The following CMIP variants were observed in gnomAD, a reference collection of about 807,000 sequenced individuals.
The protein encoded by CMIP is c-Maf inducing protein, also known as C-Maf-inducing protein.
Under a neutral mutation model 97.3 loss-of-function variants are expected in CMIP, and 13 were observed. The ratio of observed to expected loss-of-function variants is 0.13; its 90% CI spans 0.09 to 0.21. The LOEUF is 0.21. CMIP is among the 10% of genes least tolerant of loss of function. The pLI is 1.00. For synonymous variants in CMIP, 538 were observed against 436.3 expected, an observed-to-expected ratio of 1.23 and a Z score of -2.91; for missense variants, 847 against 1,024.9, an observed-to-expected ratio of 0.83 and a Z score of 2.37.
chr16:81,644,817 C>T (rs911246558), intron 3 of CMIP, among the ~76,000 whole-genome samples: 1 of 152,168 alleles, frequency 6.6e-6, no homozygotes, highest in Non-Finnish European at 1.5e-5. Context: ...AAGGCAGGGT[C>T]CCAGTGAGAT....
At chr16:81,641,397 C>T (rs911777390) in intron 3 of CMIP, among the ~76,000 whole-genome samples, 24 of 152,004 alleles carry the variant, frequency 1.6e-4, no homozygotes, top group Admixed American at 1.5e-3. Context: ...CCTAGCTCAG[C>T]GAGGAAAACA....
At chr16:81,475,749 G>A (rs1202835287) in intron 1 of CMIP, among the ~76,000 whole-genome samples, 1 of 152,152 alleles carries the variant, frequency 6.6e-6, no homozygotes, top group African/African-American at 2.4e-5. Flanking sequence ...ACTTTGGGAG[G>A]TTGAGGCAGG....
At chr16:81,488,449 T>A (rs943564734) in intron 1 of CMIP, among the ~76,000 whole-genome samples, 1 of 152,188 alleles carries the variant, frequency 6.6e-6, no homozygotes, top group Non-Finnish European at 1.5e-5. Context: ...CTGGGCCCGA[T>A]GCACGGAGGG....
intron 1 of CMIP, among the ~76,000 whole-genome samples, chr16:81,505,919 C>G (rs908434685): frequency 6.6e-6 from 1 of 152,176 alleles, no homozygotes; most frequent in Non-Finnish European, 1.5e-5. Flanking sequence ...CACTTGAACC[C>G]GGGAGGTGGA....
At chr16:81,557,259 G>A (rs2090781576) in intron 1 of CMIP, among the ~76,000 whole-genome samples, 1 of 152,348 alleles carries the variant, frequency 6.6e-6, no homozygotes, top group Admixed American at 6.5e-5. Flanking sequence ...CCAAGGCCAT[G>A]TCAATGCCAA....
intron 1 of CMIP, among the ~76,000 whole-genome samples, chr16:81,469,527 A>G (rs957503658): frequency 1.3e-5 from 2 of 152,152 alleles, no homozygotes; most frequent in African/African-American, 2.4e-5. Flanking sequence ...TACCACTGTC[A>G]TTGCTACTGT....
chr16:81,610,507 C>T lies in CMIP; in HGVS notation c.426+2815C>T, dbSNP rs551946424. ...CGAGCTAATGAGGGAGCAGCAGACA[C>T]GGCCTCCCAACCCTTCCCCCAAGGG... On this transcript the variant is annotated intron_variant, in intron 2 of 20. Coordinates refer to ENST00000537098, the MANE Select transcript of CMIP (RefSeq NM_198390.3). 106 of 985,588 alleles carry T rather than the reference C, an allele frequency of 1.1e-4. 1 individual carries two copies. In the South Asian group the frequency reaches 2.1e-3, roughly 20 times the overall value. 61.1% of individuals were successfully genotyped at this position (985,588 alleles called of 1,614,324 possible).
chr16:81,652,970 C>A lies in CMIP; in HGVS notation c.639+606C>A, dbSNP rs115738188. 6.6e-6 allele frequency among the ~76,000 whole-genome samples: 1 copy of A among 152,156 alleles called. No homozygotes were observed. Among genetic ancestry groups the A allele is most frequent in the South Asian group, 2.1e-4 (1 of 4,816 alleles). ...CAAGCAAAGACAAGCCCCCTACCCC[C>A]CTGGAGCTTGTGTCCCGGCAGGGGA... On this transcript the variant is annotated intron_variant, in intron 4 of 20. Transcript: ENST00000537098. The surrounding 1 kb of genome is among the most constrained non-coding windows in gnomAD (Gnocchi z 5.2).
Position 81,711,308 on chromosome 16 carries a change from A to G in CMIP, c.*1509A>G, listed in dbSNP as rs1908746343. The G allele has an allele frequency of 6.6e-6, 1 of 151,980 alleles. No individual in the cohort carries two copies. Among genetic ancestry groups the G allele is most frequent in the Non-Finnish European group, 1.5e-5 (1 of 67,934 alleles). The allele number at this position is 151,980 out of a possible 1,614,324, so 9.4% of individuals were successfully genotyped here. A position where few individuals can be genotyped will look rare whatever the true frequency, so the allele number is the denominator to read the frequency against. On this transcript the variant is annotated 3_prime_UTR_variant, in exon 21 of 21. Coordinates refer to ENST00000537098, the MANE Select transcript of CMIP (RefSeq NM_198390.3). ...TATTTAATCTTATTCAATGGAAACCATGCTTTTGTCGTTTTATACTTTGCT... is the reference window on the plus strand; with the variant it reads ...TATTTAATCTTATTCAATGGAAACCGTGCTTTTGTCGTTTTATACTTTGCT...
At position 81,620,902 on chromosome 16, in the gene CMIP, G is replaced by A. The variant is rs773902874; in HGVS notation, c.453G>A (p.Gln151=). 2.5e-6 allele frequency: 4 copies of A among 1,614,028 alleles called. No individual in the cohort carries two copies. Among genetic ancestry groups the A allele is most frequent in the South Asian group, 1.1e-5 (1 of 91,086 alleles). The change falls in exon 3 of 21, where the codon CAG becomes CAA. Residue 151 remains glutamine, a synonymous_variant. Coordinates refer to ENST00000537098, the MANE Select transcript of CMIP (RefSeq NM_198390.3). The stretch of plus-strand genomic sequence containing the variant: ...CTGCCAATAGCTACCTGCGAGACCA[G>A]TGGTTCCATTCTCTGCAATGGAAGG... ...LQAANSYLRD[Q]WFHSLQWKKK...
intron 11 of CMIP, among the ~76,000 whole-genome samples, chr16:81,692,372 C>T (rs1055616307): frequency 9.2e-5 from 14 of 152,164 alleles, no homozygotes; most frequent in Non-Finnish European, 1.5e-4. Flanking sequence ...CGGCCCCTAG[C>T]ACCATATTGA....
chr16:81,559,067 G>C (rs565659215), intron 1 of CMIP, among the ~76,000 whole-genome samples: 1 of 152,194 alleles, frequency 6.6e-6, no homozygotes, highest in Non-Finnish European at 1.5e-5. Flanking sequence ...CCCTCCTGCC[G>C]CCCAGAGCCA....
rs1907932258 is a variant in CMIP, at chr16:81,476,512, T to C, written c.300+30971T>C. The stretch of plus-strand genomic sequence containing the variant: ...AGCGATGTCAGAGAACACAGTGGGG[T>C]TGACCATGGCTGATAGAACAGGTTT... On this transcript the variant is annotated intron_variant, in intron 1 of 20. Transcript: ENST00000537098. 4 of 687,164 alleles carry C rather than the reference T, an allele frequency of 5.8e-6. No individual in the cohort carries two copies. In the Admixed American group the frequency reaches 7.3e-5, roughly 12 times the overall value. 42.6% of individuals were successfully genotyped at this position (687,164 alleles called of 1,614,324 possible). A position where few individuals can be genotyped will look rare whatever the true frequency, so the allele number is the denominator to read the frequency against.
At chr16:81,593,318 T>C (rs1032288293) in intron 1 of CMIP, among the ~76,000 whole-genome samples, 2 of 151,038 alleles carry the variant, frequency 1.3e-5, no homozygotes, top group African/African-American at 4.9e-5. Flanking sequence ...CCAAGGAGAG[T>C]TGGGTATTGT....
intron 3 of CMIP, among the ~76,000 whole-genome samples, chr16:81,647,021 A>G (rs1385959851): frequency 1.3e-5 from 2 of 152,236 alleles, no homozygotes; most frequent in African/African-American, 4.8e-5. Context: ...ATGTTTTAAG[A>G]AACTTTCAAA....
rs2092083970 is a variant in CMIP at position 81,627,137 on chromosome 16, G to A, written c.477+6211G>A. ...TGTGTGGTGTGTGTGTGGCATATGG[G>A]CCAACTATTTTATGAATGTGTGTGT... On this transcript the variant is annotated intron_variant, in intron 3 of 20. Transcript: ENST00000537098. The surrounding 1 kb of genome is among the most constrained non-coding windows in gnomAD (Gnocchi z 4.6). 6.7e-6 allele frequency among the ~76,000 whole-genome samples: 1 copy of A among 150,064 alleles called. No homozygotes were observed. Among genetic ancestry groups the A allele is most frequent in the Non-Finnish European group, 1.5e-5 (1 of 67,496 alleles).
chr16:81,455,409 A>T (rs993873499), intron 1 of CMIP, among the ~76,000 whole-genome samples: 4 of 152,238 alleles, frequency 2.6e-5, no homozygotes, highest in Non-Finnish European at 5.9e-5. Flanking sequence ...GGATGAATGA[A>T]CAGCTTGCCT....
chr16:81,645,468 A>G (rs2092353996), intron 3 of CMIP: 21 of 1,529,140 alleles, frequency 1.4e-5, no homozygotes, highest in Admixed American at 7.9e-5. Context: ...TCTCCTGGCA[A>G]GGGGCACATT....
At chr16:81,450,862 A>T (rs1283383337) in intron 1 of CMIP, among the ~76,000 whole-genome samples, 1 of 152,226 alleles carries the variant, frequency 6.6e-6, no homozygotes, top group Non-Finnish European at 1.5e-5. Context: ...CGACGTCCAC[A>T]CAGCCCCTAG....
Sources: gnomAD v4.1 joint callset for allele counts (sites outside exome capture counted in the v4.1 genomes callset) on GRCh38, gnomAD v4.1.1 for gene constraint, Gnocchi (gnomAD v3.1) non-coding constraint, MANE v1.5 for transcripts, NCBI Gene and HGNC (gene_info 2026-07-23, HGNC 2026-07-21) for gene names.